Variants in ZCWPW2 observed in about 807,000 individuals in gnomAD.
ZCWPW2 encodes zinc finger CW-type and PWWP domain containing 2.
Under a neutral mutation model 46.6 loss-of-function variants are expected in ZCWPW2, and 45 were observed. The observed-to-expected ratio is 0.96, with a 90% confidence interval of 0.76 to 1.24. ZCWPW2 has a LOEUF of 1.24. Among genes scored for constraint, ZCWPW2 ranks in the 50% most tolerant of loss-of-function variants. The pLI, the probability that ZCWPW2 is intolerant of heterozygous loss-of-function variation, is 0.00. For missense variants in ZCWPW2, 429 were observed against 403.9 expected (o/e 1.06, Z -0.53); for synonymous variants, 152 against 137.1 (o/e 1.11, Z -0.76).
In ZCWPW2 at chr3:28,496,688, A is replaced by G. The variant is rs1002594555; in HGVS notation, c.657+4515A>G. Among the ~76,000 whole-genome samples, 4 of 151,954 alleles carry G rather than the reference A, an allele frequency of 2.6e-5. No homozygotes were observed. The South Asian group carries it at 8.3e-4, about 31-fold the overall frequency. ...GCCTGTTTTATATAAAATATTATAGATGTATAAAAGAAAGCTGTTGGTATG... is the reference window on the plus strand; with the variant it reads ...GCCTGTTTTATATAAAATATTATAGGTGTATAAAAGAAAGCTGTTGGTATG... On this transcript the variant is annotated intron_variant, in intron 6 of 9. Coordinates refer to ENST00000383768, the MANE Select transcript of ZCWPW2 (RefSeq NM_001040432.4).
intron 1 of ZCWPW2, among the ~76,000 whole-genome samples, chr3:28,370,465 A>G (rs1316152882): frequency 6.6e-6 from 1 of 152,244 alleles, no homozygotes; most frequent in Non-Finnish European, 1.5e-5. Context: ...GGCATCTCAT[A>G]TGGGCACAAA....
intron 4 of ZCWPW2, chr3:28,448,094 T>A: frequency 4.5e-6 from 1 of 223,312 alleles, no homozygotes; most frequent in Non-Finnish European, 9.1e-6. Flanking sequence ...AAGCTTTTTT[T>A]AAGGGTAATA....
At chr3:28,439,090 CAT>C (rs201237533) in intron 4 of ZCWPW2, among the ~76,000 whole-genome samples, 4 of 137,220 alleles carry the variant, frequency 2.9e-5, no homozygotes, top group African/African-American at 1.2e-4. Context: ...TATATATACA[CAT>C]ATATACACAC....
intron 2 of ZCWPW2, among the ~76,000 whole-genome samples, chr3:28,394,536 G>C (rs1372487157): frequency 2.6e-5 from 4 of 152,008 alleles, no homozygotes; most frequent in Admixed American, 2.0e-4. Context: ...GCTATAGTAA[G>C]CAAAACAGTA....
At chr3:28,366,454 T>C (rs1382280202) in intron 1 of ZCWPW2, among the ~76,000 whole-genome samples, 4 of 117,068 alleles carry the variant, frequency 3.4e-5, no homozygotes, top group African/African-American at 1.4e-4. Flanking sequence ...TTTATTGATT[T>C]TCATATGTTG....
chr3:28,404,279 G>T (rs192891436), intron 2 of ZCWPW2, among the ~76,000 whole-genome samples: 1 of 151,720 alleles, frequency 6.6e-6, no homozygotes, highest in Non-Finnish European at 1.5e-5. Context: ...ACGAAAAAAT[G>T]CTCAACATCA....
intron 6 of ZCWPW2, chr3:28,510,963 A>T: frequency 2.3e-6 from 1 of 431,304 alleles, no homozygotes; most frequent in Middle Eastern, 3.5e-4. Context: ...AGGGAACCAG[A>T]TTGAGTCTCT....
At position 28,522,937 on chromosome 3, in the gene ZCWPW2, G is replaced by A. The variant is rs766906275; in HGVS notation, c.910-1590G>A. Among the ~76,000 whole-genome samples the A allele has an allele frequency of 6.6e-5, 10 of 151,988 alleles. 1 individual carries two copies. The highest frequency in any genetic ancestry group is 2.2e-4 in the African/African-American group (9 of 41,390). On this transcript the variant is annotated intron_variant, in intron 9 of 9. Transcript: ENST00000383768. Reference sequence around the variant, plus strand: ...TTGTGCAGTGTTTTTCAGTGTTAGCGGTTTCTTTTCAAAAATACAGCCAGA... The same window carrying A: ...TTGTGCAGTGTTTTTCAGTGTTAGCAGTTTCTTTTCAAAAATACAGCCAGA...
chr3:28,437,740 T>C (rs1038676437), intron 4 of ZCWPW2, among the ~76,000 whole-genome samples: 12 of 152,230 alleles, frequency 7.9e-5, no homozygotes, highest in African/African-American at 2.9e-4. Context: ...TGTTAGTTTA[T>C]ATATTTTAGT....
intron 4 of ZCWPW2, among the ~76,000 whole-genome samples, chr3:28,460,055 G>T (rs905668187): frequency 6.6e-6 from 1 of 152,080 alleles, no homozygotes; most frequent in African/African-American, 2.4e-5. Flanking sequence ...ATGTTGCAGG[G>T]AGTACCCAGT....
At chr3:28,426,407 T>G (rs943180418) in intron 3 of ZCWPW2, among the ~76,000 whole-genome samples, 2 of 152,000 alleles carry the variant, frequency 1.3e-5, no homozygotes, top group Admixed American at 6.6e-5. Flanking sequence ...TACACAGATA[T>G]TTGACAAAGC....
intron 1 of ZCWPW2, among the ~76,000 whole-genome samples, chr3:28,380,944 A>ATATATATATATATATATATTTGG: frequency 3.1e-5 from 1 of 31,992 alleles, no homozygotes; most frequent in South Asian, 9.0e-4. Flanking sequence ...GTATATATAT[A>ATATATATATATATATATATTTGG]TATATATATA....
chr3:28,463,947 A>C (rs1206173212), intron 4 of ZCWPW2, among the ~76,000 whole-genome samples: 1 of 151,738 alleles, frequency 6.6e-6, no homozygotes, highest in Non-Finnish European at 1.5e-5. Flanking sequence ...AAAGAGAAGT[A>C]AAGGGAAGGG....
At position 28,525,448 on chromosome 3, in the gene ZCWPW2, G is replaced by A. The variant is rs113155840; in HGVS notation, c.*760G>A. ...TCAGGGATTCTCATGAACAGTTTTA[G>A]TAGATATCCTTCTAGATATGTGTGG... On this transcript the variant is annotated 3_prime_UTR_variant, in exon 10 of 10. Coordinates refer to ENST00000383768, the MANE Select transcript of ZCWPW2 (RefSeq NM_001040432.4). 9.4e-4 allele frequency among the ~76,000 whole-genome samples: 62 copies of A among 66,012 alleles called. No homozygotes were observed. The highest frequency in any genetic ancestry group is 1.4e-3 in the Non-Finnish European group (42 of 29,368). The allele number at this position is 66,012 out of a possible 152,430, so 43.3% of individuals were successfully genotyped here.
In ZCWPW2 at chr3:28,526,132, G is replaced by T. The variant is rs1197626749; in HGVS notation, c.*1444G>T. 6.6e-6 allele frequency among the ~76,000 whole-genome samples: 1 copy of T among 152,116 alleles called. No individual in the cohort carries two copies. ...CCAAGCACTGTTGTGAGGAATAAAT[G>T]AGATATTTTTTGTGAAAGTGGTTTG... is the stretch of plus-strand genomic sequence containing the variant. On this transcript the variant is annotated 3_prime_UTR_variant, in exon 10 of 10. Coordinates refer to ENST00000383768, the MANE Select transcript of ZCWPW2 (RefSeq NM_001040432.4).
At chr3:28,492,905 G>T (rs931529056) in intron 6 of ZCWPW2, among the ~76,000 whole-genome samples, 1 of 152,132 alleles carries the variant, frequency 6.6e-6, no homozygotes, top group East Asian at 1.9e-4. Flanking sequence ...TGGTGAGGCA[G>T]AGCAGATCAA....
intron 4 of ZCWPW2, among the ~76,000 whole-genome samples, chr3:28,445,786 CAA>C (rs964894798): frequency 1.3e-5 from 2 of 152,000 alleles, no homozygotes; most frequent in Non-Finnish European, 2.9e-5. Flanking sequence ...TGCTCTCTAA[CAA>C]GAGATTCACT....
At chr3:28,518,020 C>T (rs188613515) in intron 8 of ZCWPW2, among the ~76,000 whole-genome samples, 1 of 151,594 alleles carries the variant, frequency 6.6e-6, no homozygotes, top group Admixed American at 6.6e-5. Context: ...CCTGTAGTCC[C>T]AGCTACTTGG....
chr3:28,413,868 T>G (rs538783842), intron 3 of ZCWPW2, among the ~76,000 whole-genome samples: 1 of 152,276 alleles, frequency 6.6e-6, no homozygotes, highest in East Asian at 1.9e-4. Context: ...TACCTTCTTG[T>G]GGCATATCTT....
Sources: allele counts gnomAD v4.1 joint callset (sites outside exome capture counted in the v4.1 genomes callset), GRCh38; gene constraint gnomAD v4.1.1; transcripts MANE v1.5; gene names NCBI Gene and HGNC (gene_info 2026-07-23, HGNC 2026-07-21).